The following BICDL1 variants were observed in gnomAD, a reference collection of about 807,000 sequenced individuals.
The protein encoded by BICDL1 is BICD family-like cargo adapter 1.
A neutral mutation model predicts 76.8 loss-of-function variants in BICDL1; 20 were observed. That is an observed-to-expected ratio of 0.26 (90% CI 0.18 to 0.38). The LOEUF (loss-of-function observed/expected upper bound fraction) is 0.38, where lower values mean the gene tolerates loss of function less well. BICDL1 is among the 10% of genes least tolerant of loss of function. The pLI is 1.00. For missense variants in BICDL1, 700 were observed against 798.6 expected (o/e 0.88, Z 1.49); for synonymous variants, 383 against 337.1 (o/e 1.14, Z -1.49).
intron 2 of BICDL1, among the ~76,000 whole-genome samples, chr12:120,035,036 A>G (rs1464669571): frequency 3.3e-5 from 5 of 152,192 alleles, no homozygotes; most frequent in Admixed American, 3.3e-4. Flanking sequence ...GTTGCTCCAG[A>G]GTAAGAATAA....
chr12:120,092,099 T>C, intron 9 of BICDL1: 3 of 985,476 alleles, frequency 3.0e-6, no homozygotes, highest in South Asian at 4.7e-5. Context: ...GCTGCTCATA[T>C]TTCTAAAGCA....
chr12:120,041,792 G>A (rs914276884), intron 2 of BICDL1, among the ~76,000 whole-genome samples: 1 of 152,156 alleles, frequency 6.6e-6, no homozygotes, highest in African/African-American at 2.4e-5. Flanking sequence ...CTGCTCAGCA[G>A]GTCTGAGGGC....
chr12:119,998,653 C>G lies in BICDL1; in HGVS notation c.562C>G (p.Leu188Val), dbSNP rs750785448. The G allele has an allele frequency of 6.2e-7, 1 of 1,614,094 alleles. No homozygotes were observed. Among genetic ancestry groups the G allele is most frequent in the Non-Finnish European group, 8.5e-7 (1 of 1,180,014 alleles). ...QDELERQQIH[L>V]READREKSRA... ...TGAGTTGGAGAGGCAGCAGATTCAT[C>G]TGCGGGAAGCAGATCGAGAAAAATC... The change falls in exon 2 of 10, where the codon CTG (leucine) becomes GTG (valine). Residue 188 changes from leucine (L) to valine (V), a missense_variant. This residue lies in a region of BICDL1 where 455 missense variants were observed against 548.7 expected (regional missense o/e 0.83). Coordinates refer to ENST00000548673, the MANE Select transcript of BICDL1 (RefSeq NM_001367886.1).
At chr12:120,058,484 T>A (rs1953029419) in intron 2 of BICDL1, among the ~76,000 whole-genome samples, 1 of 152,234 alleles carries the variant, frequency 6.6e-6, no homozygotes, top group African/African-American at 2.4e-5. Context: ...TCTGCACATC[T>A]AAGTATGTTT....
At chr12:120,047,668 A>G (rs1411455403) in intron 2 of BICDL1, among the ~76,000 whole-genome samples, 1 of 152,180 alleles carries the variant, frequency 6.6e-6, no homozygotes, top group Non-Finnish European at 1.5e-5. Flanking sequence ...ATAACTTGAA[A>G]GGTAGTTTTT....
chr12:120,087,265 C>A (rs1222136426), intron 8 of BICDL1, among the ~76,000 whole-genome samples: 1 of 152,244 alleles, frequency 6.6e-6, no homozygotes, highest in African/African-American at 2.4e-5. Context: ...GCTCGGGTCC[C>A]GTCGCTGCCG....
rs563385832 is a variant in BICDL1 at position 120,092,466 on chromosome 12, G to A, written c.1705-534G>A. On this transcript the variant is annotated intron_variant, in intron 9 of 9. Coordinates refer to ENST00000548673, the MANE Select transcript of BICDL1 (RefSeq NM_001367886.1). ...AGCACCCAGGGCATCCTTGCCACGT[G>A]AGGCTGCCGTTGGTGCCTGGGCATC... 1.7e-5 allele frequency: 17 copies of A among 985,494 alleles called. No homozygotes were observed. The South Asian group carries it at 7.5e-4, about 44-fold the overall frequency. 61.0% of individuals were successfully genotyped at this position (985,494 alleles called of 1,614,324 possible).
At position 120,091,165 on chromosome 12, in the gene BICDL1, CCCT is replaced by C. The variant is rs145187175; in HGVS notation, c.1704+1100_1704+1102del. The C allele has an allele frequency of 7.8e-4, 937 of 1,206,582 alleles. 9 individuals are homozygous for C. The African/African-American group carries it at 0.014, about 18-fold the overall frequency. 74.7% of individuals were successfully genotyped at this position (1,206,582 alleles called of 1,614,324 possible). ...TGTGACATGCCCTCAAGTCCCAGCTCCCTCCTCCATCACAGTCGCGTCCAGTGA... is the reference window on the plus strand; with the variant it reads ...TGTGACATGCCCTCAAGTCCCAGCTCCCTCCATCACAGTCGCGTCCAGTGA... On this transcript the variant is annotated intron_variant, in intron 9 of 9. Transcript: ENST00000548673.
chr12:119,991,004 A>G (rs1440084622), intron 1 of BICDL1, among the ~76,000 whole-genome samples: 2 of 152,272 alleles, frequency 1.3e-5, no homozygotes, highest in Non-Finnish European at 2.9e-5. Flanking sequence ...AACTTCTGTT[A>G]TAAAATACCT....
chr12:119,993,571 C>G (rs1348056770), intron 1 of BICDL1, among the ~76,000 whole-genome samples: 2 of 151,102 alleles, frequency 1.3e-5, no homozygotes, highest in African/African-American at 4.9e-5. Flanking sequence ...CTTGAATTGA[C>G]TCTGTATTTT....
At chr12:120,068,537 C>T (rs888341445) in intron 4 of BICDL1, among the ~76,000 whole-genome samples, 3 of 152,158 alleles carry the variant, frequency 2.0e-5, no homozygotes, top group Admixed American at 6.5e-5. Flanking sequence ...GCATTTAGGC[C>T]GGGCGTGGTG....
chr12:120,083,907 C>T (rs7132099), intron 8 of BICDL1, among the ~76,000 whole-genome samples: 8,825 of 152,190 alleles, frequency 0.058, 519 homozygotes, highest in African/African-American at 0.15. Flanking sequence ...CCTGCCTCAG[C>T]CTCCCAAAGT....
intron 2 of BICDL1, among the ~76,000 whole-genome samples, chr12:119,999,053 C>A (rs1187114667): frequency 7.6e-6 from 1 of 131,190 alleles, no homozygotes; most frequent in Admixed American, 7.6e-5. Context: ...AGAGTGACAG[C>A]CTGTCTCGGA....
At chr12:120,002,889 G>C (rs1010026461) in intron 2 of BICDL1, among the ~76,000 whole-genome samples, 1 of 152,164 alleles carries the variant, frequency 6.6e-6, no homozygotes, top group South Asian at 2.1e-4. Context: ...GGTCATGGTG[G>C]CTCACGCCTG....
chr12:120,080,687 C>T, intron 7 of BICDL1, 200 bp from the exon 8 acceptor site: 1 of 466,598 alleles, frequency 2.1e-6, no homozygotes, highest in Non-Finnish European at 3.8e-6. Flanking sequence ...CTGCCGAGCT[C>T]AAGCCTAGCA....
At chr12:120,013,001 T>C (rs1323706931) in intron 2 of BICDL1, among the ~76,000 whole-genome samples, 2 of 152,190 alleles carry the variant, frequency 1.3e-5, no homozygotes, top group Non-Finnish European at 2.9e-5. Flanking sequence ...TGTCAAACTC[T>C]TAATTTATCT....
chr12:120,030,141 TTGTGTGAG>T (rs1952392813), intron 2 of BICDL1, among the ~76,000 whole-genome samples: 1 of 152,104 alleles, frequency 6.6e-6, no homozygotes, highest in Non-Finnish European at 1.5e-5. Flanking sequence ...TGGTAACCCT[TTGTGTGAG>T]TGAGTGATGA....
chr12:120,013,480 G>GTC (rs1310632890), intron 2 of BICDL1, among the ~76,000 whole-genome samples: 1 of 149,142 alleles, frequency 6.7e-6, no homozygotes, highest in Non-Finnish European at 1.5e-5. Context: ...GTGTGTGTGT[G>GTC]TGTCAGAGTC....
chr12:120,068,875 G>A (rs1029674675), intron 4 of BICDL1, among the ~76,000 whole-genome samples: 6 of 152,156 alleles, frequency 3.9e-5, no homozygotes, highest in Admixed American at 1.3e-4. Flanking sequence ...CCTCCCCAGA[G>A]AGTTGTACCC....
Sources: gnomAD v4.1 joint callset for allele counts (sites outside exome capture counted in the v4.1 genomes callset) on GRCh38, gnomAD v4.1.1 for gene constraint, gnomAD v4.1.1 regional missense constraint, MANE v1.5 for transcripts, NCBI Gene and HGNC (gene_info 2026-07-23, HGNC 2026-07-21) for gene names.